LRP1B: variants seen among roughly 807,000 people sequenced by gnomAD.
LRP1B encodes the protein LDL receptor related protein 1B.
Under a neutral mutation model 556.6 loss-of-function variants are expected in LRP1B, and 217 were observed. The observed-to-expected ratio is 0.39, with a 90% confidence interval of 0.35 to 0.44. The LOEUF (loss-of-function observed/expected upper bound fraction) is 0.44, where lower values mean the gene tolerates loss of function less well. Among genes scored for constraint, LRP1B ranks in the 20% least tolerant of loss-of-function variants. LRP1B has a pLI of 1.00. For synonymous variants in LRP1B, 2,047 were observed against 1,865.8 expected, an observed-to-expected ratio of 1.10 and a Z score of -2.50; for missense variants, 5,053 against 5,620.8, an observed-to-expected ratio of 0.90 and a Z score of 3.23.
intron 41 of LRP1B, among the ~76,000 whole-genome samples, chr2:140,633,436 T>G (rs1373140162): frequency 6.6e-6 from 1 of 152,016 alleles, no homozygotes; most frequent in African/African-American, 2.4e-5. Flanking sequence ...GGAAGAGCAA[T>G]TTAATCCTAA....
chr2:141,631,632 C>A (rs992770514), intron 2 of LRP1B, among the ~76,000 whole-genome samples: 4 of 150,380 alleles, frequency 2.7e-5, no homozygotes, highest in South Asian at 2.1e-4. Context: ...GGAAGTTCCT[C>A]TTTTTTAACC....
intron 2 of LRP1B, among the ~76,000 whole-genome samples, chr2:141,802,311 T>C (rs1265513878): frequency 6.6e-6 from 1 of 152,094 alleles, no homozygotes; most frequent in African/African-American, 2.4e-5. Flanking sequence ...CTTTCTTCAG[T>C]ACAAAAATAG....
intron 66 of LRP1B, among the ~76,000 whole-genome samples, chr2:140,432,712 C>G (rs547262893): frequency 6.6e-6 from 1 of 152,162 alleles, no homozygotes; most frequent in Non-Finnish European, 1.5e-5. Flanking sequence ...TTCCAGCAAC[C>G]CATCATCTAT....
rs59075508 is a variant in LRP1B at position 140,343,004 on chromosome 2, AT to A, written c.11893-7167del. Among the ~76,000 whole-genome samples, 478 of 151,222 alleles carry A rather than the reference AT, an allele frequency of 3.2e-3. 3 individuals carry two copies. Among genetic ancestry groups the A allele is most frequent in the African/African-American group, 0.011 (461 of 41,278 alleles). ...AAACAAAGCAAATTCATTTGAAGGA[AT>A]TTTTTTTGTGTGTGGGGTGTATATC... is the stretch of plus-strand genomic sequence containing the variant. On this transcript the variant is annotated intron_variant, in intron 77 of 90. Transcript: ENST00000389484.
intron 86 of LRP1B, among the ~76,000 whole-genome samples, chr2:140,266,508 C>A (rs2104937082): frequency 6.6e-6 from 1 of 151,994 alleles, no homozygotes; most frequent in South Asian, 2.1e-4. Flanking sequence ...TTCTATAAAC[C>A]CACTCTTGTG....
intron 12 of LRP1B, among the ~76,000 whole-genome samples, chr2:141,017,999 TAAAAAA>T (rs201347962): frequency 8.5e-6 from 1 of 117,052 alleles, no homozygotes; most frequent in Non-Finnish European, 1.8e-5. Context: ...AGATCCTGTC[TAAAAAA>T]AAAAAAAAAA....
At chr2:141,090,001 C>T (rs1700137248) in intron 7 of LRP1B, among the ~76,000 whole-genome samples, 2 of 152,102 alleles carry the variant, frequency 1.3e-5, no homozygotes, top group Non-Finnish European at 2.9e-5. Flanking sequence ...AATAGGGATA[C>T]AAATTAGGTG....
intron 2 of LRP1B, among the ~76,000 whole-genome samples, chr2:141,735,499 A>T (rs1169048927): frequency 2.8e-5 from 1 of 35,798 alleles, no homozygotes; most frequent in Non-Finnish European, 5.0e-5. Flanking sequence ...TCAGCAGCAA[A>T]CATGTTTTTT....
intron 41 of LRP1B, among the ~76,000 whole-genome samples, chr2:140,680,140 A>G (rs1489728458): frequency 1.3e-5 from 2 of 152,032 alleles, no homozygotes; most frequent in African/African-American, 4.8e-5. Context: ...AGAGTAAGAA[A>G]CTTTCCAAGG....
intron 10 of LRP1B, among the ~76,000 whole-genome samples, chr2:141,050,459 A>C (rs1037903981): frequency 6.6e-6 from 1 of 151,956 alleles, no homozygotes. Context: ...TTTAAGCCCC[A>C]CATGCATTTG....
chr2:141,661,761 G>C (rs1047717675), intron 2 of LRP1B, among the ~76,000 whole-genome samples: 2 of 152,130 alleles, frequency 1.3e-5, no homozygotes, highest in Admixed American at 1.3e-4. Context: ...CTTACTTCAG[G>C]ATATCACCCA....
intron 1 of LRP1B, among the ~76,000 whole-genome samples, chr2:141,867,820 T>A (rs1259958458): frequency 1.3e-5 from 2 of 152,126 alleles, no homozygotes; most frequent in Non-Finnish European, 2.9e-5. Context: ...TATATCCTAT[T>A]GTATGTATAA....
intron 37 of LRP1B, among the ~76,000 whole-genome samples, chr2:140,706,439 T>C (rs1001286882): frequency 3.3e-5 from 5 of 152,330 alleles, no homozygotes; most frequent in Middle Eastern, 3.4e-3. Context: ...AAATAGTATT[T>C]GTTAAACTAA....
intron 66 of LRP1B, among the ~76,000 whole-genome samples, chr2:140,427,311 C>T (rs1010622383): frequency 1.8e-4 from 27 of 152,152 alleles, no homozygotes; most frequent in African/African-American, 6.0e-4. Flanking sequence ...TGCTCACCCA[C>T]GTTGCAGCCC....
chr2:140,882,712 G>A (rs1693511088), intron 25 of LRP1B, among the ~76,000 whole-genome samples: 1 of 152,166 alleles, frequency 6.6e-6, no homozygotes, highest in South Asian at 2.1e-4. Flanking sequence ...TGACTTCTGA[G>A]TCTTAGGCAT....
At chr2:141,219,445 A>G (rs1462632025) in intron 6 of LRP1B, among the ~76,000 whole-genome samples, 1 of 152,196 alleles carries the variant, frequency 6.6e-6, no homozygotes, top group Admixed American at 6.5e-5. Flanking sequence ...TAAAACTCTG[A>G]TATTCCTGGG....
intron 37 of LRP1B, among the ~76,000 whole-genome samples, chr2:140,711,787 T>A (rs1266541529): frequency 6.6e-6 from 1 of 152,154 alleles, no homozygotes; most frequent in African/African-American, 2.4e-5. Context: ...CTTTCTTCAA[T>A]TTCATCAATT....
intron 5 of LRP1B, among the ~76,000 whole-genome samples, chr2:141,234,019 C>T (rs76532888): frequency 6.6e-6 from 1 of 152,146 alleles, no homozygotes; most frequent in African/African-American, 2.4e-5. Context: ...AAAAAAATCC[C>T]AGTTTTAACT....
intron 1 of LRP1B, among the ~76,000 whole-genome samples, chr2:142,116,940 G>C (rs938412439): frequency 1.3e-5 from 2 of 152,086 alleles, no homozygotes; most frequent in African/African-American, 4.8e-5. Context: ...ATGAGAATTT[G>C]TCTACTTATC....
Sources: allele counts gnomAD v4.1 joint callset (sites outside exome capture counted in the v4.1 genomes callset), GRCh38; gene constraint gnomAD v4.1.1; transcripts MANE v1.5; gene names NCBI Gene and HGNC (gene_info 2026-07-23, HGNC 2026-07-21).